Variants in LRRK2 observed in about 807,000 individuals in gnomAD.
LRRK2 encodes the protein leucine rich repeat kinase 2, also known as leucine-rich repeat serine/threonine-protein kinase 2.
LRRK2 carries 203 observed loss-of-function variants against 302.6 expected under a neutral mutation model. The observed-to-expected ratio is 0.67, with a 90% CI of 0.60 to 0.75. LRRK2 has a LOEUF of 0.75. Ranked by LOEUF, LRRK2 falls within the 30% of genes least tolerant of loss-of-function variation. The pLI, the probability that LRRK2 is intolerant of heterozygous loss-of-function variation, is 0.00. For missense variants in LRRK2, 2,830 were observed against 2,951.0 expected (o/e 0.96, Z 0.95); for synonymous variants, 1,066 against 1,031.9 (o/e 1.03, Z -0.63).
chr12:40,271,040 G>A (rs1299778589), intron 14 of LRRK2, among the ~76,000 whole-genome samples: 1 of 152,006 alleles, frequency 6.6e-6, no homozygotes, highest in Non-Finnish European at 1.5e-5. Context: ...ACCTCCCAAA[G>A]TGCTGAGATT....
At chr12:40,242,107 A>G (rs529791763) in intron 6 of LRRK2, among the ~76,000 whole-genome samples, 2 of 152,320 alleles carry the variant, frequency 1.3e-5, no homozygotes, top group Non-Finnish European at 2.9e-5. Flanking sequence ...AAGTCAAGAA[A>G]GTAGCAGCTA....
chr12:40,237,111 A>G (rs1170863312), intron 4 of LRRK2, among the ~76,000 whole-genome samples: 1 of 152,098 alleles, frequency 6.6e-6, no homozygotes, highest in Non-Finnish European at 1.5e-5. Context: ...ACGAAGAGAT[A>G]CCAAAAAAAA....
chr12:40,264,922 A>T (rs1260840551), intron 14 of LRRK2, among the ~76,000 whole-genome samples: 1 of 152,242 alleles, frequency 6.6e-6, no homozygotes, highest in Admixed American at 6.5e-5. Context: ...GATGTTAAGA[A>T]TAAAGACATA....
intron 19 of LRRK2, among the ~76,000 whole-genome samples, 189 bp downstream of exon 19, chr12:40,284,322 C>G (rs1416790560): frequency 6.7e-6 from 1 of 149,040 alleles, no homozygotes; most frequent in African/African-American, 2.5e-5. Context: ...TATGAGATAG[C>G]AAATAGTTAT....
intron 1 of LRRK2, 95 bp downstream of exon 1, chr12:40,225,377 C>A (rs1490055233): frequency 8.9e-6 from 13 of 1,458,902 alleles, no homozygotes; most frequent in Non-Finnish European, 1.1e-5. Flanking sequence ...TGACCCTGCT[C>A]AAACCCGGAC....
Position 40,225,050 on chromosome 12 carries a change from A to G in LRRK2, c.-82A>G, listed in dbSNP as rs1940794152. 6.4e-7 allele frequency: 1 copy of G among 1,571,170 alleles called. No homozygotes were observed. The highest frequency in any genetic ancestry group is 8.7e-7 in the Non-Finnish European group (1 of 1,149,944). ...CGGTGAGCTGAGCTCGCCCCCGGGGAGCTGTGGCCGGCGCCCCTGCCGGTT... is the reference window on the plus strand; with the variant it reads ...CGGTGAGCTGAGCTCGCCCCCGGGGGGCTGTGGCCGGCGCCCCTGCCGGTT... On this transcript the variant is annotated 5_prime_UTR_variant, in exon 1 of 51. Coordinates refer to ENST00000298910, the MANE Select transcript of LRRK2 (RefSeq NM_198578.4).
chr12:40,269,254 C>T (rs1172544712), intron 14 of LRRK2, among the ~76,000 whole-genome samples: 1 of 152,150 alleles, frequency 6.6e-6, no homozygotes, highest in African/African-American at 2.4e-5. Context: ...TGGCAACAAA[C>T]TAAATGCTTA....
rs1946047481 is a variant in LRRK2 at position 40,341,598 on chromosome 12, C to A, written c.6109+1144C>A. ...TTGAGTACCTGCTGTGCGTCAGGCC[C>A]AGTGCCACGTATATTAGAGACAAGA... On this transcript the variant is annotated intron_variant, in intron 41 of 50. Transcript: ENST00000298910. 1.3e-5 allele frequency among the ~76,000 whole-genome samples: 2 copies of A among 152,108 alleles called. 1 individual carries two copies.
rs1029149106 is a variant in LRRK2 at position 40,369,280 on chromosome 12, T to C, written c.*1515T>C. ...GGAATAATAAAGGTTTTTTAAAAAC[T>C]TTAAATGCTTTTAAGCATGTTTATG... On this transcript the variant is annotated 3_prime_UTR_variant, in exon 51 of 51. Transcript: ENST00000298910. The C allele has an allele frequency of 6.6e-5, 10 of 151,822 alleles. No homozygotes were observed. Among genetic ancestry groups the C allele is most frequent in the Admixed American group, 2.0e-4 (3 of 15,200 alleles). 9.4% of individuals were successfully genotyped at this position (151,822 alleles called of 1,614,324 possible). A position where few individuals can be genotyped will look rare whatever the true frequency, so the allele number is the denominator to read the frequency against.
chr12:40,270,189 T>C (rs1263503664), intron 14 of LRRK2, among the ~76,000 whole-genome samples: 2 of 152,282 alleles, frequency 1.3e-5, no homozygotes, highest in African/African-American at 4.8e-5. Flanking sequence ...AAAGTATCTT[T>C]TGACCCCTGG....
chr12:40,243,446 A>G, intron 6 of LRRK2, 104 bp from the exon 7 acceptor site: 3 of 1,295,244 alleles, frequency 2.3e-6, no homozygotes, highest in Non-Finnish European at 3.3e-6. Context: ...AAATGCAGTC[A>G]TTATGCTGCC....
chr12:40,347,330 C>G (rs193294826), intron 42 of LRRK2, among the ~76,000 whole-genome samples: 26 of 152,230 alleles, frequency 1.7e-4, no homozygotes, highest in African/African-American at 6.0e-4. Context: ...TCATAAGAAT[C>G]GGTAAATGTG....
At chr12:40,227,486 C>T (rs1431738634) in intron 2 of LRRK2, among the ~76,000 whole-genome samples, 1 of 152,154 alleles carries the variant, frequency 6.6e-6, no homozygotes, top group Non-Finnish European at 1.5e-5. Flanking sequence ...TCTCTGGTAA[C>T]CACCATTCTA....
At chr12:40,283,437 C>T (rs1943788602) in intron 18 of LRRK2, among the ~76,000 whole-genome samples, 1 of 152,194 alleles carries the variant, frequency 6.6e-6, no homozygotes, top group Non-Finnish European at 1.5e-5. Flanking sequence ...TTTACAATAG[C>T]TATGTCCCCA....
chr12:40,296,288 A>G (rs957628987), intron 23 of LRRK2, among the ~76,000 whole-genome samples: 1 of 152,206 alleles, frequency 6.6e-6, no homozygotes, highest in African/African-American at 2.4e-5. Flanking sequence ...TTGAAAGCCA[A>G]AGAAGATATC....
chr12:40,290,157 CT>C (rs1944086104), intron 20 of LRRK2, among the ~76,000 whole-genome samples: 1 of 151,954 alleles, frequency 6.6e-6, no homozygotes, highest in African/African-American at 2.4e-5. Context: ...TTGAAAAATG[CT>C]CTTCAGCATC....
At chr12:40,286,096 C>T (rs1197671205) in intron 19 of LRRK2, among the ~76,000 whole-genome samples, 1 of 151,904 alleles carries the variant, frequency 6.6e-6, no homozygotes, top group Non-Finnish European at 1.5e-5. Flanking sequence ...TCACTATATT[C>T]TCTTTGTTCT....
chr12:40,337,284 G>A (rs934744818), intron 40 of LRRK2, among the ~76,000 whole-genome samples: 9 of 152,122 alleles, frequency 5.9e-5, no homozygotes, highest in African/African-American at 1.9e-4. Flanking sequence ...CTTTCTTCAC[G>A]TTACATGCTC....
Position 40,335,066 on chromosome 12 carries a change from G to C in LRRK2, c.5857G>C (p.Gly1953Arg), listed in dbSNP as rs201968874. ...RMLVMELASK[G>R]SLDRLLQQDK... ...GTTGGTGATGGAGTTAGCCTCCAAG[G>C]GTTCCTTGGATCGCCTGCTTCAGCA... The change falls in exon 40 of 51, where the codon GGT (glycine) becomes CGT (arginine). Residue 1953 changes from glycine to arginine, a missense_variant. Physicochemically the swap from Gly to Arg is moderately radical, Grantham distance 125 (BLOSUM62 -2). This residue lies in a region of LRRK2 where 253 missense variants were observed against 346.7 expected (regional missense o/e 0.73). Transcript: ENST00000298910. 3 of 1,614,052 alleles carry C rather than the reference G, an allele frequency of 1.9e-6. No individual in the cohort carries two copies. The highest frequency in any genetic ancestry group is 1.7e-6 in the Non-Finnish European group (2 of 1,179,994).
Sources: allele counts gnomAD v4.1 joint callset (sites outside exome capture counted in the v4.1 genomes callset), GRCh38; gene constraint gnomAD v4.1.1; regional missense constraint gnomAD v4.1.1; transcripts MANE v1.5; gene names NCBI Gene and HGNC (gene_info 2026-07-23, HGNC 2026-07-21).